The following RPTOR variants were observed in gnomAD, a reference collection of about 807,000 sequenced individuals.
RPTOR encodes regulatory associated protein of MTOR complex 1.
In RPTOR, 21 loss-of-function variants were observed where a neutral mutation model predicts 169.9. The observed-to-expected ratio is 0.12, with a 90% CI of 0.09 to 0.18. The LOEUF (loss-of-function observed/expected upper bound fraction) is 0.18. RPTOR is among the 10% of genes least tolerant of loss of function. The pLI is 1.00. For synonymous variants in RPTOR, 732 were observed against 753.2 expected (o/e 0.97, Z 0.46); for missense variants, 1,133 against 1,855.9 (o/e 0.61, Z 7.16).
intron 1 of RPTOR, among the ~76,000 whole-genome samples, chr17:80,582,905 T>C (rs2065026902): frequency 6.9e-6 from 1 of 145,470 alleles, no homozygotes; most frequent in African/African-American, 2.5e-5. Flanking sequence ...TATTATTCTT[T>C]CTTTTTTTTT....
chr17:80,645,022 G>A (rs2065583158), intron 3 of RPTOR, among the ~76,000 whole-genome samples: 1 of 152,224 alleles, frequency 6.6e-6, no homozygotes, highest in Admixed American at 6.5e-5. Flanking sequence ...GATGGTTTGT[G>A]TACACATGCT....
At chr17:80,880,970 A>T (rs1567964964) in intron 14 of RPTOR, among the ~76,000 whole-genome samples, 2 of 152,218 alleles carry the variant, frequency 1.3e-5, no homozygotes, top group South Asian at 4.1e-4. Flanking sequence ...AATTTTCAGT[A>T]TACTTTATTG....
At chr17:80,689,501 G>A (rs543552741) in intron 3 of RPTOR, among the ~76,000 whole-genome samples, 42 of 152,316 alleles carry the variant, frequency 2.8e-4, no homozygotes, top group African/African-American at 8.9e-4. Context: ...CTTTGTAAGC[G>A]CCAAGGATTG....
At chr17:80,876,181 G>A (rs1428638306) in intron 13 of RPTOR, among the ~76,000 whole-genome samples, 34 of 105,524 alleles carry the variant, frequency 3.2e-4, no homozygotes, top group East Asian at 6.8e-4. Context: ...CGCAGGGTGT[G>A]TGTGTCGCCT....
At chr17:80,765,376 G>C (rs1431956496) in intron 6 of RPTOR, among the ~76,000 whole-genome samples, 2 of 152,182 alleles carry the variant, frequency 1.3e-5, no homozygotes, top group Non-Finnish European at 2.9e-5. Context: ...CAGGTCAAAG[G>C]CTTCACTTCT....
Position 80,949,653 on chromosome 17 carries a change from C to T in RPTOR, c.3370+106C>T, listed in dbSNP as rs1157209949. On this transcript the variant is annotated intron_variant, in intron 28 of 33. Coordinates refer to ENST00000306801, the MANE Select transcript of RPTOR (RefSeq NM_020761.3). ...GGCTGTCTCTAAACAGGCTGCTCCA[C>T]CTCAGAGTCCCCAGAATCCTAAAGC... 34 of 868,536 alleles carry T rather than the reference C, an allele frequency of 3.9e-5. No individual in the cohort carries two copies. The Admixed American group carries it at 6.3e-4, about 16-fold the overall frequency. 53.8% of individuals were successfully genotyped at this position (868,536 alleles called of 1,614,324 possible). A position where few individuals can be genotyped will look rare whatever the true frequency, so the allele number is the denominator to read the frequency against.
intron 7 of RPTOR, chr17:80,805,512 G>C (rs904914715): frequency 6.6e-5 from 10 of 152,288 alleles, no homozygotes; most frequent in Admixed American, 2.6e-4. Context: ...TCTGCTTGGA[G>C]GTGGCTTCTC....
chr17:80,637,713 G>C (rs528566604), intron 2 of RPTOR, among the ~76,000 whole-genome samples: 1 of 152,354 alleles, frequency 6.6e-6, no homozygotes, highest in East Asian at 1.9e-4. Flanking sequence ...AATGGTAGCT[G>C]TGTATCAGAA....
chr17:80,584,545 G>A (rs1448791952), intron 1 of RPTOR, among the ~76,000 whole-genome samples: 3 of 151,890 alleles, frequency 2.0e-5, no homozygotes, highest in East Asian at 1.9e-4. Flanking sequence ...CCAGGAGTGC[G>A]ATTTTTCCTT....
chr17:80,963,155 A>C, intron 33 of RPTOR, 98 bp downstream of exon 33: 1 of 1,209,298 alleles, frequency 8.3e-7, no homozygotes, highest in Non-Finnish European at 1.2e-6. Context: ...TGGCTACCCC[A>C]CACCACAGTG....
intron 10 of RPTOR, among the ~76,000 whole-genome samples, chr17:80,841,163 TC>T (rs2143690986): frequency 1.6e-5 from 2 of 123,862 alleles, no homozygotes; most frequent in Admixed American, 1.5e-4. Flanking sequence ...GCACGGCAGC[TC>T]ACTCTCACCG....
intron 3 of RPTOR, among the ~76,000 whole-genome samples, chr17:80,676,273 G>T (rs2065860935): frequency 6.6e-6 from 1 of 152,212 alleles, no homozygotes; most frequent in African/African-American, 2.4e-5. Context: ...GATGAATGGC[G>T]AATGGGATTT....
intron 7 of RPTOR, among the ~76,000 whole-genome samples, chr17:80,818,691 G>T (rs1042632052): frequency 6.6e-6 from 1 of 152,156 alleles, no homozygotes. Context: ...GTCTGAAGTC[G>T]GCTGGGCAGA....
At chr17:80,819,050 G>A (rs1200222728) in intron 7 of RPTOR, among the ~76,000 whole-genome samples, 2 of 152,220 alleles carry the variant, frequency 1.3e-5, no homozygotes, top group African/African-American at 2.4e-5. Flanking sequence ...GTCCTGGTTT[G>A]CAAACAGCCT....
chr17:80,659,268 C>T lies in RPTOR; in HGVS notation c.348+15458C>T, dbSNP rs2065702971. Among the ~76,000 whole-genome samples, 1 of 152,028 alleles carries T rather than the reference C, an allele frequency of 6.6e-6. No homozygotes were observed. Among genetic ancestry groups the T allele is most frequent in the Non-Finnish European group, 1.5e-5 (1 of 68,016 alleles). On this transcript the variant is annotated intron_variant, in intron 3 of 33. Coordinates refer to ENST00000306801, the MANE Select transcript of RPTOR (RefSeq NM_020761.3). This position sits in a 1 kb window ranked among gnomAD's most constrained non-coding sequence, Gnocchi z 4.3. ...TCCATGGCTCCGAGGGGGAAGTGGG[C>T]TCAGAAGAGTGGGCTTCTGATCTGA...
intron 6 of RPTOR, among the ~76,000 whole-genome samples, chr17:80,782,795 A>G (rs2066954888): frequency 6.6e-6 from 1 of 152,200 alleles, no homozygotes; most frequent in Non-Finnish European, 1.5e-5. Context: ...AGGCAGCCTG[A>G]GTATTATTCC....
chr17:80,685,933 A>T (rs139819246), intron 3 of RPTOR, among the ~76,000 whole-genome samples: 1 of 151,780 alleles, frequency 6.6e-6, no homozygotes, highest in Non-Finnish European at 1.5e-5. Flanking sequence ...AGCTCTTCTG[A>T]CAGTGTTGGT....
intron 4 of RPTOR, among the ~76,000 whole-genome samples, chr17:80,711,874 G>C (rs1042504609): frequency 2.0e-5 from 3 of 151,282 alleles, no homozygotes; most frequent in Admixed American, 1.3e-4. Flanking sequence ...CTCCTGAGTA[G>C]CTGGGATTAC....
intron 3 of RPTOR, among the ~76,000 whole-genome samples, chr17:80,661,425 C>T (rs983234443): frequency 6.6e-6 from 1 of 152,154 alleles, no homozygotes; most frequent in Non-Finnish European, 1.5e-5. Context: ...CGCGGGAGCC[C>T]CAGGACTCAC....
Sources: gnomAD v4.1 joint callset for allele counts (sites outside exome capture counted in the v4.1 genomes callset) on GRCh38, gnomAD v4.1.1 for gene constraint, Gnocchi (gnomAD v3.1) non-coding constraint, MANE v1.5 for transcripts, NCBI Gene and HGNC (gene_info 2026-07-23, HGNC 2026-07-21) for gene names.